Variants in FMNL2 observed in about 807,000 individuals in gnomAD.
FMNL2 encodes formin-like protein 2.
A neutral mutation model predicts 130.2 loss-of-function variants in FMNL2; 51 were observed. That is an observed-to-expected ratio of 0.39 (90% CI 0.31 to 0.49). The LOEUF (loss-of-function observed/expected upper bound fraction) is 0.49. FMNL2 is among the 20% of genes least tolerant of loss of function. The probability of loss-of-function intolerance (pLI) is 0.85; values close to 1 mark genes in which losing one functional copy is unlikely to be tolerated. For synonymous variants in FMNL2, 465 were observed against 467.1 expected, an observed-to-expected ratio of 1.00 and a Z score of 0.06; for missense variants, 977 against 1,316.2, an observed-to-expected ratio of 0.74 and a Z score of 3.99.
chr2:152,522,873 T>C (rs16831279), intron 2 of FMNL2, among the ~76,000 whole-genome samples: 12,770 of 152,198 alleles, frequency 0.084, 697 homozygotes, highest in East Asian at 0.21. Flanking sequence ...ATAGCTGTTA[T>C]ATGATGCTGT....
chr2:152,417,717 T>G (rs1345032573), intron 1 of FMNL2, among the ~76,000 whole-genome samples: 1 of 152,228 alleles, frequency 6.6e-6, no homozygotes, highest in South Asian at 2.1e-4. Flanking sequence ...TCACCTCCTC[T>G]GTGCCTCATA....
intron 1 of FMNL2, among the ~76,000 whole-genome samples, chr2:152,351,006 C>T (rs1478646043): frequency 2.6e-5 from 4 of 152,178 alleles, no homozygotes; most frequent in Non-Finnish European, 5.9e-5. Context: ...GATCACACCA[C>T]TGCACTCCAG....
At chr2:152,431,584 T>C (rs1378463872) in intron 1 of FMNL2, among the ~76,000 whole-genome samples, 2 of 152,250 alleles carry the variant, frequency 1.3e-5, no homozygotes, top group Non-Finnish European at 1.5e-5. Flanking sequence ...ATCATTTTTA[T>C]GTTAAAGTGC....
chr2:152,464,294 G>A (rs1368929731), intron 1 of FMNL2, among the ~76,000 whole-genome samples: 1 of 152,168 alleles, frequency 6.6e-6, no homozygotes, highest in African/African-American at 2.4e-5. Flanking sequence ...TTCTGTGGGT[G>A]CCAACAAATA....
At chr2:152,487,881 G>A (rs761642147) in intron 1 of FMNL2, among the ~76,000 whole-genome samples, 2 of 151,626 alleles carry the variant, frequency 1.3e-5, no homozygotes, top group African/African-American at 2.4e-5. Context: ...TCCATCTCCT[G>A]GGTTCAAGTG....
chr2:152,508,685 T>C (rs1692316220), intron 1 of FMNL2, among the ~76,000 whole-genome samples: 1 of 152,212 alleles, frequency 6.6e-6, no homozygotes, highest in Non-Finnish European at 1.5e-5. Flanking sequence ...AGCATAACAC[T>C]GCTTTGTAGG....
chr2:152,452,800 T>A (rs1351652753), intron 1 of FMNL2, among the ~76,000 whole-genome samples: 1 of 135,732 alleles, frequency 7.4e-6, no homozygotes, highest in Non-Finnish European at 1.7e-5. Context: ...AGGGCTGTCG[T>A]ACCAGGTGAG....
intron 1 of FMNL2, among the ~76,000 whole-genome samples, chr2:152,387,301 A>C (rs948726192): frequency 1.3e-5 from 2 of 152,164 alleles, no homozygotes; most frequent in African/African-American, 4.8e-5. Flanking sequence ...GCCTGTTTCC[A>C]CAGTAGACAG....
chr2:152,621,777 G>A lies in FMNL2; in HGVS notation c.1837+2059G>A, dbSNP rs1367634244. Among the ~76,000 whole-genome samples the A allele has an allele frequency of 2.6e-5, 4 of 152,156 alleles. No homozygotes were observed. The East Asian group carries it at 7.7e-4, about 29-fold the overall frequency. On this transcript the variant is annotated intron_variant, in intron 15 of 25. Coordinates refer to ENST00000288670, the MANE Select transcript of FMNL2 (RefSeq NM_052905.4). The stretch of plus-strand genomic sequence containing the variant: ...TGGTGAGATGTTTTGCTAGTGTGTT[G>A]AGTAACTCTCTCTCTCACTCTGGAA...
intron 1 of FMNL2, among the ~76,000 whole-genome samples, chr2:152,423,054 T>C (rs1265326190): frequency 6.6e-6 from 1 of 152,220 alleles, no homozygotes; most frequent in Admixed American, 6.5e-5. Flanking sequence ...TTAATTTTTG[T>C]GGGTACATAG....
chr2:152,524,779 A>G (rs2105415454), intron 2 of FMNL2, among the ~76,000 whole-genome samples: 1 of 152,240 alleles, frequency 6.6e-6, no homozygotes, highest in Non-Finnish European at 1.5e-5. Flanking sequence ...CATTTCCCGT[A>G]AGTTTAGAAC....
chr2:152,611,228 A>G (rs963771301), intron 10 of FMNL2, among the ~76,000 whole-genome samples: 2 of 152,054 alleles, frequency 1.3e-5, no homozygotes, highest in African/African-American at 4.8e-5. Flanking sequence ...AATCCCAGCT[A>G]CTCGGGAGGC....
In FMNL2 at chr2:152,625,606, G is replaced by C. The variant is rs765031079; in HGVS notation, c.1962+44G>C. The C allele has an allele frequency of 1.9e-6, 3 of 1,566,892 alleles. No individual in the cohort carries two copies. In the Admixed American group the frequency reaches 5.1e-5, roughly 27 times the overall value. The stretch of plus-strand genomic sequence containing the variant: ...AGAAACTAGAGGTGCACTCTGTGCA[G>C]CAAAGCCGGCATGGGTGTTCTGTTA... On this transcript the variant is annotated intron_variant, in intron 16 of 25. Transcript: ENST00000288670.
At chr2:152,412,425 TCTTA>T (rs1182674610) in intron 1 of FMNL2, among the ~76,000 whole-genome samples, 3 of 142,394 alleles carry the variant, frequency 2.1e-5, no homozygotes, top group African/African-American at 5.3e-5. Flanking sequence ...TTATATTTCC[TCTTA>T]CTTTCTTCTG....
At chr2:152,535,946 A>G (rs527838263) in intron 2 of FMNL2, among the ~76,000 whole-genome samples, 2 of 152,304 alleles carry the variant, frequency 1.3e-5, no homozygotes, top group South Asian at 4.1e-4. Context: ...GAAATTTCAG[A>G]ATTTTTATTT....
chr2:152,385,855 A>G (rs1684753203), intron 1 of FMNL2, among the ~76,000 whole-genome samples: 1 of 152,172 alleles, frequency 6.6e-6, no homozygotes, highest in African/African-American at 2.4e-5. Context: ...ATTTTTTTTC[A>G]GATGATCAAC....
intron 1 of FMNL2, among the ~76,000 whole-genome samples, chr2:152,371,183 A>G (rs188762965): frequency 3.3e-5 from 5 of 152,294 alleles, no homozygotes; most frequent in Admixed American, 3.3e-4. Flanking sequence ...TCACTTTCCA[A>G]TATTCTGCTG....
At chr2:152,474,086 A>C (rs1258592591) in intron 1 of FMNL2, among the ~76,000 whole-genome samples, 3 of 152,154 alleles carry the variant, frequency 2.0e-5, no homozygotes, top group Non-Finnish European at 2.9e-5. Flanking sequence ...TATATTGGCC[A>C]GGCTGGTCTC....
At chr2:152,625,776 T>C (rs1467808006) in intron 16 of FMNL2, among the ~76,000 whole-genome samples, 1 of 152,182 alleles carries the variant, frequency 6.6e-6, no homozygotes, top group African/African-American at 2.4e-5. Flanking sequence ...TAAATTGGAA[T>C]AAATGCTTTT....
Sources: gnomAD v4.1 joint callset for allele counts (sites outside exome capture counted in the v4.1 genomes callset) on GRCh38, gnomAD v4.1.1 for gene constraint, MANE v1.5 for transcripts, NCBI Gene and HGNC (gene_info 2026-07-23, HGNC 2026-07-21) for gene names.